The following KDM4C variants were observed in gnomAD, a reference collection of about 807,000 sequenced individuals.
KDM4C encodes the protein lysine demethylase 4C, also known as lysine-specific demethylase 4C.
Under a neutral mutation model 129.3 loss-of-function variants are expected in KDM4C, and 81 were observed. That is an observed-to-expected ratio of 0.63 (90% CI 0.52 to 0.75). The LOEUF (loss-of-function observed/expected upper bound fraction) is 0.75, where lower values mean the gene tolerates loss of function less well. Ranked by LOEUF, KDM4C falls within the 30% of genes least tolerant of loss-of-function variation. KDM4C has a pLI of 0.00. For synonymous variants in KDM4C, 573 were observed against 456.1 expected (o/e 1.26, Z -3.26); for missense variants, 1,457 against 1,304.0 (o/e 1.12, Z -1.81).
At position 7,090,433 on chromosome 9, in the gene KDM4C, G is replaced by A. The variant is rs112748347; in HGVS notation, c.2425-13252G>A. Among the ~76,000 whole-genome samples the A allele has an allele frequency of 5.4e-3, 823 of 152,242 alleles. 6 individuals are homozygous for A. Among genetic ancestry groups the A allele is most frequent in the African/African-American group, 0.019 (780 of 41,550 alleles). On this transcript the variant is annotated intron_variant, in intron 17 of 21. Transcript: ENST00000381309. ...GTTTATTGGTAGAAAGATTCAAGAAGCTATTTTGTGATAAAGGATTTCTTT... is the reference window on the plus strand; with the variant it reads ...GTTTATTGGTAGAAAGATTCAAGAAACTATTTTGTGATAAAGGATTTCTTT...
Position 6,960,282 on chromosome 9 carries a change from A to ATTT in KDM4C, c.922-20627_922-20625dup, listed in dbSNP as rs34061929. Among the ~76,000 whole-genome samples, 942 of 143,244 alleles carry ATTT rather than the reference A, an allele frequency of 6.6e-3. 13 individuals are homozygous for ATTT. The highest frequency in any genetic ancestry group is 0.023 in the African/African-American group (886 of 38,796). The allele number at this position is 143,244 out of a possible 152,430, so 94.0% of individuals were successfully genotyped here. A position where few individuals can be genotyped will look rare whatever the true frequency, so the allele number is the denominator to read the frequency against. ...TGGAAGCTCTTTTAAAATGTTTTTA[A>ATTT]TTTTTTTTTTTTTTTTTTAAATACA... On this transcript the variant is annotated intron_variant, in intron 8 of 21. Coordinates refer to ENST00000381309, the MANE Select transcript of KDM4C (RefSeq NM_015061.6).
At chr9:6,948,943 T>C (rs1827522030) in intron 8 of KDM4C, among the ~76,000 whole-genome samples, 1 of 150,526 alleles carries the variant, frequency 6.6e-6, no homozygotes, top group African/African-American at 2.5e-5. Context: ...TTCCCCCTTC[T>C]CTATTCGACG....
chr9:6,840,884 G>C (rs1024206870), intron 4 of KDM4C, among the ~76,000 whole-genome samples: 2 of 152,196 alleles, frequency 1.3e-5, no homozygotes, highest in South Asian at 4.1e-4. Flanking sequence ...CATGTCCCCA[G>C]CTCTACAGTT....
At chr9:7,095,949 A>G (rs1289053278) in intron 17 of KDM4C, among the ~76,000 whole-genome samples, 1 of 152,252 alleles carries the variant, frequency 6.6e-6, no homozygotes, top group Non-Finnish European at 1.5e-5. Context: ...TAATACGAAC[A>G]TAAAAAGAAA....
intron 8 of KDM4C, among the ~76,000 whole-genome samples, chr9:6,924,438 C>A (rs1822103179): frequency 6.6e-6 from 1 of 152,116 alleles, no homozygotes. Flanking sequence ...GAGTGAGGGC[C>A]CAGGGCTGCA....
chr9:7,150,679 C>G (rs1395975708), intron 19 of KDM4C, among the ~76,000 whole-genome samples: 1 of 152,228 alleles, frequency 6.6e-6, no homozygotes, highest in African/African-American at 2.4e-5. Flanking sequence ...TTCCTGGTCC[C>G]TCCCCTGCAG....
chr9:6,733,379 C>T (rs1359295435), intron 1 of KDM4C, among the ~76,000 whole-genome samples: 3 of 152,192 alleles, frequency 2.0e-5, no homozygotes, highest in Non-Finnish European at 4.4e-5. Context: ...GTTACAGAGA[C>T]TGTTTGCATT....
chr9:7,025,835 G>T (rs933575904), intron 15 of KDM4C, among the ~76,000 whole-genome samples: 8 of 151,920 alleles, frequency 5.3e-5, no homozygotes, highest in African/African-American at 1.9e-4. Flanking sequence ...ATTTTTTTGT[G>T]TACTTACTAT....
At chr9:6,818,955 C>G (rs956713696) in intron 4 of KDM4C, 4 of 152,014 alleles carry the variant, frequency 2.6e-5, no homozygotes, top group African/African-American at 9.7e-5. Flanking sequence ...TAGTTTCTTC[C>G]TGTGCGTTGT....
chr9:6,867,468 A>G (rs1842220769), intron 5 of KDM4C, among the ~76,000 whole-genome samples: 1 of 152,180 alleles, frequency 6.6e-6, no homozygotes, highest in Admixed American at 6.5e-5. Context: ...TTCCTATATA[A>G]GGTAAGATTA....
At chr9:6,846,291 T>A (rs1180230446) in intron 4 of KDM4C, among the ~76,000 whole-genome samples, 1 of 152,262 alleles carries the variant, frequency 6.6e-6, no homozygotes, top group Non-Finnish European at 1.5e-5. Context: ...AATTTTTTCA[T>A]TTGTTCATTT....
chr9:6,963,128 C>T (rs76635118), intron 8 of KDM4C, among the ~76,000 whole-genome samples: 3,654 of 152,190 alleles, frequency 0.024, 108 homozygotes, highest in East Asian at 0.14. Context: ...ATTATGCCAA[C>T]CTCTGAGGAT....
At chr9:6,989,813 C>A (rs1457970099) in intron 11 of KDM4C, among the ~76,000 whole-genome samples, 1 of 152,160 alleles carries the variant, frequency 6.6e-6, no homozygotes, top group Non-Finnish European at 1.5e-5. Flanking sequence ...CTTGCCCTGT[C>A]ACCCAGGCTG....
At chr9:7,012,340 A>C (rs887227861) in intron 13 of KDM4C, among the ~76,000 whole-genome samples, 1 of 152,140 alleles carries the variant, frequency 6.6e-6, no homozygotes, top group Non-Finnish European at 1.5e-5. Flanking sequence ...TGGTCTCCCA[A>C]ATCTTTTTTG....
At chr9:6,833,628 G>C (rs1327660639) in intron 4 of KDM4C, among the ~76,000 whole-genome samples, 1 of 152,196 alleles carries the variant, frequency 6.6e-6, no homozygotes, top group African/African-American at 2.4e-5. Flanking sequence ...GTTGATGGTA[G>C]TGTTTAGCTG....
chr9:7,036,832 C>T lies in KDM4C; in HGVS notation c.2260-10030C>T, dbSNP rs546559564. ...TGTCATTCACTGTGTTGCTCAGGGT[C>T]TAGAGCACATCATGGTGATTAATAG... On this transcript the variant is annotated intron_variant, in intron 15 of 21. Transcript: ENST00000381309. Among the ~76,000 whole-genome samples, 7 of 152,272 alleles carry T rather than the reference C, an allele frequency of 4.6e-5. No individual in the cohort carries two copies. The East Asian group carries it at 1.4e-3, about 29-fold the overall frequency.
chr9:7,174,342 G>A (rs886953051), intron 21 of KDM4C, among the ~76,000 whole-genome samples: 1 of 152,200 alleles, frequency 6.6e-6, no homozygotes, highest in Non-Finnish European at 1.5e-5. Flanking sequence ...GGAGGGTGGG[G>A]AGATCCTGGA....
At chr9:6,816,088 G>A (rs1832033950) in intron 4 of KDM4C, among the ~76,000 whole-genome samples, 1 of 152,074 alleles carries the variant, frequency 6.6e-6, no homozygotes, top group Non-Finnish European at 1.5e-5. Context: ...TTCAGTCAAG[G>A]ATTCCCCTTT....
chr9:6,880,923 T>C (rs1174244414), intron 6 of KDM4C, among the ~76,000 whole-genome samples: 1 of 152,200 alleles, frequency 6.6e-6, no homozygotes. Context: ...AGATGTAGGC[T>C]GGTAGTGACT....
Sources: allele counts gnomAD v4.1 joint callset (sites outside exome capture counted in the v4.1 genomes callset), GRCh38; gene constraint gnomAD v4.1.1; transcripts MANE v1.5; gene names NCBI Gene and HGNC (gene_info 2026-07-23, HGNC 2026-07-21).